ASIC2: variants seen among roughly 807,000 people sequenced by gnomAD.
The protein encoded by ASIC2 is acid sensing ion channel subunit 2, also known as acid-sensing ion channel 2.
Under a neutral mutation model 57.3 loss-of-function variants are expected in ASIC2, and 25 were observed. That is an observed-to-expected ratio of 0.44 (90% CI 0.32 to 0.61). ASIC2 has a LOEUF of 0.61. Among genes scored for constraint, ASIC2 ranks in the 20% least tolerant of loss-of-function variants. The pLI, the probability that ASIC2 is intolerant of heterozygous loss-of-function variation, is 0.06. For missense variants in ASIC2, 641 were observed against 738.1 expected, an observed-to-expected ratio of 0.87 and a Z score of 1.52; for synonymous variants, 319 against 307.5, an observed-to-expected ratio of 1.04 and a Z score of -0.39.
intron 1 of ASIC2, among the ~76,000 whole-genome samples, chr17:33,797,851 A>G (rs1250558159): frequency 6.6e-6 from 1 of 152,084 alleles, no homozygotes; most frequent in Admixed American, 6.6e-5. Context: ...TCTCAATCAC[A>G]CCTGAGTGCT....
intron 1 of ASIC2, among the ~76,000 whole-genome samples, chr17:33,232,599 A>C (rs1418326496): frequency 1.3e-5 from 2 of 152,154 alleles, no homozygotes; most frequent in Admixed American, 6.5e-5. Context: ...CTTTAAAAAT[A>C]TTTTCACTAC....
chr17:33,409,028 A>G (rs2141963482), intron 1 of ASIC2, among the ~76,000 whole-genome samples: 1 of 152,292 alleles, frequency 6.6e-6, no homozygotes, highest in South Asian at 2.1e-4. Flanking sequence ...AGCCTGGCTA[A>G]CATGGAGAAA....
intron 1 of ASIC2, among the ~76,000 whole-genome samples, chr17:33,527,146 G>A (rs1914908318): frequency 6.6e-6 from 1 of 152,186 alleles, no homozygotes; most frequent in Non-Finnish European, 1.5e-5. Context: ...GTGCAGGAAG[G>A]AAGGAGAAAT....
At chr17:33,963,693 G>A (rs866044696) in intron 1 of ASIC2, among the ~76,000 whole-genome samples, 1 of 151,860 alleles carries the variant, frequency 6.6e-6, no homozygotes. Context: ...TTTTATTGTT[G>A]TCTGAATGAG....
At position 33,186,747 on chromosome 17, in the gene ASIC2, A is replaced by G. The variant is rs538904185; in HGVS notation, c.709-74680T>C. On this transcript the variant is annotated intron_variant, in intron 1 of 9. Coordinates refer to ENST00000225823, the MANE Select transcript of ASIC2 (RefSeq NM_183377.2). ...CTGATCCTCTTACAACTACACAAGA[A>G]GTTGCTGAATAACTCAATGTCGACC... Among the ~76,000 whole-genome samples, 39 of 152,306 alleles carry G rather than the reference A, an allele frequency of 2.6e-4. No homozygotes were observed. The South Asian group carries it at 4.1e-3, about 16-fold the overall frequency.
At chr17:33,487,333 C>G (rs561150312) in intron 1 of ASIC2, among the ~76,000 whole-genome samples, 1 of 152,110 alleles carries the variant, frequency 6.6e-6, no homozygotes, top group Non-Finnish European at 1.5e-5. Context: ...CAGGAGGGGC[C>G]CCACATTGAT....
chr17:33,873,977 C>G (rs967634113), intron 1 of ASIC2, among the ~76,000 whole-genome samples: 2 of 152,246 alleles, frequency 1.3e-5, no homozygotes, highest in African/African-American at 4.8e-5. Flanking sequence ...TTCTTTCAGG[C>G]TGAATTCTGC....
chr17:33,983,550 C>A (rs1326154339), intron 1 of ASIC2, among the ~76,000 whole-genome samples: 1 of 152,120 alleles, frequency 6.6e-6, no homozygotes, highest in African/African-American at 2.4e-5. Context: ...GTCACTGAGG[C>A]CTCTTCTCAG....
intron 1 of ASIC2, among the ~76,000 whole-genome samples, chr17:33,279,963 C>T (rs1904872154): frequency 6.6e-6 from 1 of 152,076 alleles, no homozygotes; most frequent in African/African-American, 2.4e-5. Flanking sequence ...CTCCCGTGTC[C>T]CACTTCCTGG....
At chr17:33,134,843 T>C (rs560378627) in intron 1 of ASIC2, among the ~76,000 whole-genome samples, 1 of 152,346 alleles carries the variant, frequency 6.6e-6, no homozygotes, top group Non-Finnish European at 1.5e-5. Context: ...AAGACTGGCA[T>C]TCTCAGACTC....
chr17:33,965,806 C>A (rs1242165324), intron 1 of ASIC2, among the ~76,000 whole-genome samples: 1 of 152,196 alleles, frequency 6.6e-6, no homozygotes, highest in East Asian at 1.9e-4. Context: ...CTCACCTTGA[C>A]CACCACCTGG....
At chr17:34,060,091 T>C (rs1426769763) in intron 1 of ASIC2, among the ~76,000 whole-genome samples, 3 of 152,176 alleles carry the variant, frequency 2.0e-5, no homozygotes, top group African/African-American at 2.4e-5. Flanking sequence ...ACAGAGTCCA[T>C]TGCACCATCT....
intron 1 of ASIC2, among the ~76,000 whole-genome samples, chr17:33,307,813 A>G (rs1906246746): frequency 7.1e-6 from 1 of 140,400 alleles, no homozygotes; most frequent in Non-Finnish European, 1.5e-5. Context: ...GGGTCAGCAT[A>G]AAGATTAAAT....
At chr17:33,588,732 G>C (rs772079192) in intron 1 of ASIC2, among the ~76,000 whole-genome samples, 48 of 152,220 alleles carry the variant, frequency 3.2e-4, no homozygotes, top group Non-Finnish European at 6.0e-4. Context: ...CCTTATACAA[G>C]GGGTCAAGTG....
At chr17:33,404,291 T>C (rs1335311449) in intron 1 of ASIC2, among the ~76,000 whole-genome samples, 1 of 152,190 alleles carries the variant, frequency 6.6e-6, no homozygotes, top group Non-Finnish European at 1.5e-5. Context: ...TTACTAAAAA[T>C]TGTTGAATTG....
chr17:34,030,824 G>A (rs1377623570), intron 1 of ASIC2, among the ~76,000 whole-genome samples: 4 of 152,208 alleles, frequency 2.6e-5, no homozygotes, highest in Admixed American at 2.0e-4. Flanking sequence ...ACCCGCAATT[G>A]CCCAGTTAGT....
intron 1 of ASIC2, among the ~76,000 whole-genome samples, chr17:33,523,915 C>T (rs1471943590): frequency 2.0e-5 from 3 of 152,190 alleles, no homozygotes; most frequent in African/African-American, 7.2e-5. Context: ...AGTTCTCATC[C>T]ATAGCATAGC....
At chr17:33,883,680 T>C (rs774164852) in intron 1 of ASIC2, among the ~76,000 whole-genome samples, 4 of 152,192 alleles carry the variant, frequency 2.6e-5, no homozygotes, top group Non-Finnish European at 4.4e-5. Flanking sequence ...CCACGGACCC[T>C]GTAAGAACAA....
intron 1 of ASIC2, among the ~76,000 whole-genome samples, chr17:33,965,047 C>A (rs1013946387): frequency 3.9e-5 from 6 of 152,200 alleles, no homozygotes; most frequent in African/African-American, 1.4e-4. Context: ...ACTTTCCATA[C>A]TCCTTTTAAA....
Sources: allele counts gnomAD v4.1 joint callset (sites outside exome capture counted in the v4.1 genomes callset), GRCh38; gene constraint gnomAD v4.1.1; transcripts MANE v1.5; gene names NCBI Gene and HGNC (gene_info 2026-07-23, HGNC 2026-07-21).